HYCC2: variants seen among roughly 807,000 people sequenced by gnomAD.
HYCC2 encodes the protein hyccin 2.
chr2:201,042,488 C>T, the HYCC2 span, among the ~76,000 whole-genome samples: 1 of 151,560 alleles, frequency 6.6e-6, no homozygotes, highest in Non-Finnish European at 1.5e-5. Context: ...TCTGCCCCGC[C>T]GCGACCCCGT....
chr2:201,015,027 T>C, the HYCC2 span, among the ~76,000 whole-genome samples: 1 of 152,160 alleles, frequency 6.6e-6, no homozygotes, highest in Non-Finnish European at 1.5e-5. Flanking sequence ...AATAACACTG[T>C]GGTTTCTCAA....
the HYCC2 span, among the ~76,000 whole-genome samples, chr2:201,033,167 G>GTGTA: frequency 7.1e-6 from 1 of 141,326 alleles, no homozygotes; most frequent in African/African-American, 2.7e-5. Context: ...GTATGTGTGT[G>GTGTA]TGTGTGTGTG....
chr2:201,017,013 A>G, the HYCC2 span: 1 of 1,613,286 alleles, frequency 6.2e-7, no homozygotes, highest in Admixed American at 1.7e-5. Context: ...TCCTAACAGA[A>G]GTGCTTCAAT....
the HYCC2 span, chr2:200,979,822 T>C: frequency 1.3e-5 from 2 of 152,630 alleles, no homozygotes; most frequent in Non-Finnish European, 1.5e-5. Flanking sequence ...AAAGTTATGA[T>C]AAAATCTTAT....
At chr2:201,012,697 C>A in the HYCC2 span, among the ~76,000 whole-genome samples, 73 of 152,064 alleles carry the variant, frequency 4.8e-4, 1 homozygote, top group African/African-American at 1.8e-3. Context: ...GTAATCCTAG[C>A]ACTTTGGGAG....
the HYCC2 span, among the ~76,000 whole-genome samples, chr2:201,058,651 C>G: frequency 6.6e-6 from 1 of 152,178 alleles, no homozygotes; most frequent in African/African-American, 2.4e-5. Flanking sequence ...TTGCAGTAAT[C>G]CAAGATTGCA....
chr2:201,033,534 G>C, the HYCC2 span, among the ~76,000 whole-genome samples: 1 of 151,744 alleles, frequency 6.6e-6, no homozygotes, highest in Non-Finnish European at 1.5e-5. Flanking sequence ...CTCCCAAGTA[G>C]CTGGGACTAC....
chr2:201,064,741 A>C, the HYCC2 span, among the ~76,000 whole-genome samples: 3 of 152,244 alleles, frequency 2.0e-5, no homozygotes, highest in African/African-American at 7.2e-5. Context: ...GTAATCAATA[A>C]ACGATTTAAT....
At chr2:201,020,377 T>C in the HYCC2 span, among the ~76,000 whole-genome samples, 1 of 151,942 alleles carries the variant, frequency 6.6e-6, no homozygotes, top group Non-Finnish European at 1.5e-5. Context: ...CTAACTTGAG[T>C]GGGTTAAAGA....
chr2:201,003,866 C>T, the HYCC2 span, among the ~76,000 whole-genome samples: 1 of 121,074 alleles, frequency 8.3e-6, no homozygotes, highest in Non-Finnish European at 1.6e-5. Flanking sequence ...GGATGCAGTA[C>T]AGTGGCACAA....
the HYCC2 span, chr2:201,021,678 A>G: frequency 5.4e-6 from 1 of 184,472 alleles, no homozygotes; most frequent in Non-Finnish European, 1.1e-5. Flanking sequence ...GCCCATGAAG[A>G]GCTTACAATC....
chr2:201,050,548 C>T, the HYCC2 span, among the ~76,000 whole-genome samples: 37 of 149,700 alleles, frequency 2.5e-4, no homozygotes, highest in Admixed American at 1.6e-3. Context: ...GCCGAGATCA[C>T]GCCACTGCAC....
the HYCC2 span, chr2:201,022,231 T>G: frequency 2.1e-6 from 1 of 486,350 alleles, no homozygotes; most frequent in East Asian, 7.1e-5. Flanking sequence ...AAAGATAATG[T>G]GTGTATTTTG....
the HYCC2 span, chr2:201,021,312 C>T: frequency 6.5e-6 from 1 of 153,614 alleles, no homozygotes; most frequent in South Asian, 2.1e-4. Flanking sequence ...GAAATTCAGA[C>T]CTCCTCTAGC....
At chr2:201,062,998 A>G in the HYCC2 span, 1 of 1,450,974 alleles carries the variant, frequency 6.9e-7, no homozygotes, top group Admixed American at 1.8e-5. Context: ...AACATTTATT[A>G]TGCATCAAGT....
the HYCC2 span, among the ~76,000 whole-genome samples, chr2:201,040,542 G>T: frequency 6.6e-6 from 1 of 150,764 alleles, no homozygotes; most frequent in African/African-American, 2.4e-5. Flanking sequence ...AGGCTGGAGT[G>T]CAGTGGCAAA....
At chr2:200,999,717 A>G in the HYCC2 span, among the ~76,000 whole-genome samples, 1 of 150,942 alleles carries the variant, frequency 6.6e-6, no homozygotes, top group East Asian at 2.0e-4. Flanking sequence ...ACATGAGGGA[A>G]AAAAGGTTGC....
the HYCC2 span, among the ~76,000 whole-genome samples, chr2:201,031,843 T>A: frequency 1.3e-5 from 2 of 152,202 alleles, no homozygotes; most frequent in Non-Finnish European, 2.9e-5. Context: ...CTTGTTTCTG[T>A]TTCTGCAGAG....
the HYCC2 span, chr2:200,988,544 T>C: frequency 1.7e-6 from 1 of 599,564 alleles, no homozygotes; most frequent in Non-Finnish European, 2.7e-6. Context: ...AATAAACATA[T>C]CTTTGTTGTT....
Sources: allele counts gnomAD v4.1 joint callset (sites outside exome capture counted in the v4.1 genomes callset), GRCh38; gene constraint gnomAD v4.1.1; transcripts MANE v1.5; gene names NCBI Gene and HGNC (gene_info 2026-07-23, HGNC 2026-07-21).